Variants in SAMD5 observed in about 807,000 individuals in gnomAD.
SAMD5 encodes sterile alpha motif domain-containing protein 5.
SAMD5 carries 13 observed loss-of-function variants against 11.3 expected under a neutral mutation model. That is an observed-to-expected ratio of 1.15 (90% CI 0.75 to 1.83). The LOEUF (loss-of-function observed/expected upper bound fraction) is 1.83, where lower values mean the gene tolerates loss of function less well. SAMD5 is among the 40% of genes most tolerant of loss of function. SAMD5 has a pLI of 0.00. For synonymous variants in SAMD5, 129 were observed against 111.3 expected, an observed-to-expected ratio of 1.16 and a Z score of -1.00; for missense variants, 255 against 239.1, an observed-to-expected ratio of 1.07 and a Z score of -0.44.
intron 1 of SAMD5, among the ~76,000 whole-genome samples, chr6:147,727,076 A>T (rs1380576238): frequency 6.6e-6 from 1 of 152,148 alleles, no homozygotes; most frequent in African/African-American, 2.4e-5. Context: ...GCCCAAATAC[A>T]AAGTCCTTAA....
chr6:147,922,523 T>A, the SAMD5 span, among the ~76,000 whole-genome samples: 3 of 152,140 alleles, frequency 2.0e-5, no homozygotes, highest in Non-Finnish European at 4.4e-5. Flanking sequence ...TACATGTATC[T>A]CCAGGTTAGA....
At chr6:147,587,163 C>T (rs1789385863) in intron 1 of SAMD5, among the ~76,000 whole-genome samples, 1 of 152,150 alleles carries the variant, frequency 6.6e-6, no homozygotes, top group Non-Finnish European at 1.5e-5. Context: ...TCTTTCTCAT[C>T]ACTATATTCT....
At chr6:147,835,089 C>T in the SAMD5 span, among the ~76,000 whole-genome samples, 2 of 151,958 alleles carry the variant, frequency 1.3e-5, no homozygotes, top group African/African-American at 2.4e-5. Context: ...AAAAATTAGC[C>T]GGATGTGGTG....
At chr6:147,553,849 A>G (rs1045879684) in intron 1 of SAMD5, among the ~76,000 whole-genome samples, 1 of 151,980 alleles carries the variant, frequency 6.6e-6, no homozygotes, top group Non-Finnish European at 1.5e-5. Flanking sequence ...TTTTTTCTGA[A>G]AAGTCTGAAA....
chr6:147,852,702 A>G, the SAMD5 span, among the ~76,000 whole-genome samples: 1 of 152,198 alleles, frequency 6.6e-6, no homozygotes, highest in African/African-American at 2.4e-5. Flanking sequence ...AGTATGCTAC[A>G]TAACAGAAGA....
At chr6:147,916,102 A>G in the SAMD5 span, among the ~76,000 whole-genome samples, 1 of 151,926 alleles carries the variant, frequency 6.6e-6, no homozygotes, top group East Asian at 1.9e-4. Flanking sequence ...TTATGGCTGC[A>G]TAGTATTCCA....
the SAMD5 span, among the ~76,000 whole-genome samples, chr6:147,910,822 G>A: frequency 6.6e-6 from 1 of 152,180 alleles, no homozygotes; most frequent in South Asian, 2.1e-4. Flanking sequence ...TGGAGAAATA[G>A]CAGTTTTACA....
downstream of SAMD5, among the ~76,000 whole-genome samples, chr6:147,738,317 G>A (rs998991105): frequency 5.9e-5 from 9 of 152,154 alleles, no homozygotes; most frequent in Non-Finnish European, 1.2e-4. Flanking sequence ...CTAACTATTC[G>A]TACTCCTTCT....
At chr6:147,789,753 G>A in the SAMD5 span, among the ~76,000 whole-genome samples, 1 of 152,142 alleles carries the variant, frequency 6.6e-6, no homozygotes, top group East Asian at 1.9e-4. Context: ...CAGTTTTTCA[G>A]GACCTCCTTG....
At chr6:147,889,159 GT>G in the SAMD5 span, among the ~76,000 whole-genome samples, 1 of 152,108 alleles carries the variant, frequency 6.6e-6, no homozygotes, top group Non-Finnish European at 1.5e-5. Context: ...TGGATGTTGT[GT>G]TCATTGTTTT....
the SAMD5 span, among the ~76,000 whole-genome samples, chr6:147,763,210 A>G: frequency 6.6e-6 from 1 of 151,928 alleles, no homozygotes. Flanking sequence ...CCCAGGCTGG[A>G]GTACAGTGAC....
At chr6:147,770,940 C>T in the SAMD5 span, among the ~76,000 whole-genome samples, 2 of 152,166 alleles carry the variant, frequency 1.3e-5, no homozygotes, top group Admixed American at 6.5e-5. Flanking sequence ...ATGATAAAAA[C>T]CTGGACTATA....
the SAMD5 span, among the ~76,000 whole-genome samples, chr6:147,779,427 A>C: frequency 6.6e-6 from 1 of 152,076 alleles, no homozygotes; most frequent in South Asian, 2.1e-4. Context: ...TAGAGATTCT[A>C]TTGAAAGTTC....
At chr6:147,527,286 G>C (rs1385241002) in intron 1 of SAMD5, among the ~76,000 whole-genome samples, 1 of 152,100 alleles carries the variant, frequency 6.6e-6, no homozygotes, top group East Asian at 1.9e-4. Context: ...CTGCTTCCAG[G>C]GAGGCCTCAG....
At chr6:147,924,609 A>G in the SAMD5 span, among the ~76,000 whole-genome samples, 2 of 152,002 alleles carry the variant, frequency 1.3e-5, no homozygotes, top group Non-Finnish European at 2.9e-5. Flanking sequence ...CATAGGAAGT[A>G]GGAAAGTTCA....
intron 1 of SAMD5, among the ~76,000 whole-genome samples, chr6:147,732,501 C>A (rs190688250): frequency 6.6e-6 from 1 of 152,098 alleles, no homozygotes; most frequent in Non-Finnish European, 1.5e-5. Context: ...TGAATTCTTA[C>A]GTAAGTCTAT....
intron 1 of SAMD5, among the ~76,000 whole-genome samples, chr6:147,685,009 T>C (rs955290278): frequency 2.6e-5 from 4 of 152,168 alleles, no homozygotes; most frequent in African/African-American, 9.7e-5. Flanking sequence ...GTAAAAAAAT[T>C]GAATAATAGT....
At chr6:147,765,911 G>A in the SAMD5 span, among the ~76,000 whole-genome samples, 5 of 151,992 alleles carry the variant, frequency 3.3e-5, no homozygotes, top group South Asian at 2.1e-4. Context: ...CAAGAATCAC[G>A]CAGCATTTTA....
chr6:147,843,475 C>G, the SAMD5 span, among the ~76,000 whole-genome samples: 1 of 152,248 alleles, frequency 6.6e-6, no homozygotes, highest in Non-Finnish European at 1.5e-5. Flanking sequence ...TCATTCTTCA[C>G]AGAAATTTTT....
Sources: allele counts gnomAD v4.1 joint callset (sites outside exome capture counted in the v4.1 genomes callset), GRCh38; gene constraint gnomAD v4.1.1; transcripts MANE v1.5; gene names NCBI Gene and HGNC (gene_info 2026-07-23, HGNC 2026-07-21).